TPD52L1: variants seen among roughly 807,000 people sequenced by gnomAD.
TPD52L1 encodes TPD52 like 1, also known as tumor protein D53.
Under a neutral mutation model 28.7 loss-of-function variants are expected in TPD52L1, and 18 were observed. That is an observed-to-expected ratio of 0.63 (90% confidence interval 0.43 to 0.93). TPD52L1 has a LOEUF of 0.93. TPD52L1 is among the 40% of genes least tolerant of loss of function. The probability of loss-of-function intolerance (pLI) is 0.00; values close to 1 mark genes in which losing one functional copy is unlikely to be tolerated. For missense variants in TPD52L1, 203 were observed against 254.8 expected (o/e 0.80, Z 1.39); for synonymous variants, 75 against 88.8 (o/e 0.84, Z 0.88).
At chr6:125,163,284 A>G (rs1338538358) in intron 1 of TPD52L1, among the ~76,000 whole-genome samples, 1 of 152,212 alleles carries the variant, frequency 6.6e-6, no homozygotes, top group East Asian at 1.9e-4. Context: ...ATACCATGGC[A>G]TGCACTTTTT....
chr6:125,222,137 C>A (rs1462294564), intron 2 of TPD52L1, among the ~76,000 whole-genome samples: 2 of 152,224 alleles, frequency 1.3e-5, no homozygotes. Flanking sequence ...GATGTGTGGA[C>A]ACAGGAACTC....
intron 1 of TPD52L1, among the ~76,000 whole-genome samples, chr6:125,181,576 C>T (rs1172029417): frequency 1.3e-5 from 2 of 152,156 alleles, no homozygotes; most frequent in Non-Finnish European, 2.9e-5. Context: ...TGAGGAAAGA[C>T]CTAAATTGAA....
chr6:125,209,021 G>A, intron 1 of TPD52L1: 1 of 867,622 alleles, frequency 1.2e-6, no homozygotes, highest in Non-Finnish European at 1.4e-6. Context: ...TCTCTACCAT[G>A]TGCCTCTGAC....
At chr6:125,221,510 G>A (rs1795229010) in intron 2 of TPD52L1, among the ~76,000 whole-genome samples, 1 of 152,188 alleles carries the variant, frequency 6.6e-6, no homozygotes, top group Non-Finnish European at 1.5e-5. Context: ...CACAATGTCT[G>A]TAACTGACCA....
intron 2 of TPD52L1, among the ~76,000 whole-genome samples, chr6:125,222,214 A>G (rs368701138): frequency 1.3e-5 from 2 of 152,206 alleles, no homozygotes; most frequent in South Asian, 2.1e-4. Flanking sequence ...TTTAACAAGG[A>G]CACATAGAAA....
At chr6:125,253,459 T>C in intron 4 of TPD52L1, 2 of 490,230 alleles carry the variant, frequency 4.1e-6, no homozygotes, top group Non-Finnish European at 7.2e-6. Flanking sequence ...ATTCTCAGAT[T>C]TCCTGGCAAA....
intron 1 of TPD52L1, among the ~76,000 whole-genome samples, chr6:125,177,510 G>T (rs1045942991): frequency 6.6e-6 from 1 of 152,164 alleles, no homozygotes; most frequent in African/African-American, 2.4e-5. Context: ...GAGGGATGAG[G>T]AGATTGGCCT....
intron 6 of TPD52L1, among the ~76,000 whole-genome samples, chr6:125,258,730 G>A (rs1333127141): frequency 6.6e-6 from 1 of 151,914 alleles, no homozygotes; most frequent in African/African-American, 2.4e-5. Context: ...ACCTCACTTG[G>A]ATAGAAGGTA....
At chr6:125,155,810 A>G (rs1790081266) in intron 1 of TPD52L1, among the ~76,000 whole-genome samples, 1 of 152,142 alleles carries the variant, frequency 6.6e-6, no homozygotes, top group Non-Finnish European at 1.5e-5. Flanking sequence ...TGATGGACTC[A>G]TTTCCTGTGC....
intron 6 of TPD52L1, among the ~76,000 whole-genome samples, chr6:125,259,350 G>A (rs1583031779): frequency 6.6e-6 from 1 of 152,214 alleles, no homozygotes; most frequent in African/African-American, 2.4e-5. Context: ...CATGTACCAT[G>A]TGGCACTTGT....
chr6:125,155,628 T>C (rs1377012778), intron 1 of TPD52L1, among the ~76,000 whole-genome samples: 1 of 152,228 alleles, frequency 6.6e-6, no homozygotes, highest in Non-Finnish European at 1.5e-5. Context: ...GAGACAAATA[T>C]TAATTTGATA....
At chr6:125,245,258 C>T (rs1796859277) in intron 3 of TPD52L1, among the ~76,000 whole-genome samples, 2 of 152,156 alleles carry the variant, frequency 1.3e-5, no homozygotes, top group Non-Finnish European at 2.9e-5. Context: ...ATGTTACAGG[C>T]AGCAGTATTA....
intron 1 of TPD52L1, among the ~76,000 whole-genome samples, chr6:125,163,015 A>G (rs1232861321): frequency 6.6e-6 from 1 of 152,240 alleles, no homozygotes; most frequent in Non-Finnish European, 1.5e-5. Context: ...GAGCTTAACT[A>G]CTATACTGCA....
Position 125,260,921 on chromosome 6 carries a change from G to GAAGAAAGAAAGA in TPD52L1, c.487-1866_487-1855dup, listed in dbSNP as rs71551734. 57 of 58,788 alleles carry GAAGAAAGAAAGA rather than the reference G, an allele frequency of 9.7e-4. 1 individual carries two copies. Among genetic ancestry groups the GAAGAAAGAAAGA allele is most frequent in the East Asian group, 1.4e-3 (2 of 1,410 alleles). The allele number at this position is 58,788 out of a possible 1,614,324, so 3.6% of individuals were successfully genotyped here. On this transcript the variant is annotated intron_variant, in intron 6 of 6. Transcript: ENST00000534000. ...GGGAGAAAGAAAGGAAAGAAAGAAA[G>GAAGAAAGAAAGA]AAGAAAGAAAGAAAGAAAGAAAGAA... is the stretch of plus-strand genomic sequence containing the variant.
chr6:125,225,427 C>T (rs544055421), intron 2 of TPD52L1, among the ~76,000 whole-genome samples: 10 of 152,132 alleles, frequency 6.6e-5, no homozygotes, highest in South Asian at 2.1e-4. Flanking sequence ...AGAAACTGTA[C>T]GACTGTTTTC....
At chr6:125,204,085 C>T (rs1245293515) in intron 1 of TPD52L1, among the ~76,000 whole-genome samples, 1 of 152,116 alleles carries the variant, frequency 6.6e-6, no homozygotes, top group Non-Finnish European at 1.5e-5. Flanking sequence ...TCTTTAATTA[C>T]CAAGTGGAAC....
At chr6:125,154,177 G>C (rs1789956237) in intron 1 of TPD52L1, 7 of 1,369,834 alleles carry the variant, frequency 5.1e-6, no homozygotes, top group East Asian at 5.8e-5. Context: ...AAGTGACAGG[G>C]GATCCGTAAG....
intron 1 of TPD52L1, among the ~76,000 whole-genome samples, chr6:125,196,182 C>T (rs933594743): frequency 1.1e-4 from 17 of 152,104 alleles, no homozygotes; most frequent in Non-Finnish European, 2.2e-4. Flanking sequence ...TCATCAAAGA[C>T]TCAGGAAAAC....
chr6:125,214,327 C>T (rs779908631), intron 1 of TPD52L1: 7 of 309,572 alleles, frequency 2.3e-5, no homozygotes, highest in Non-Finnish European at 2.8e-5. Flanking sequence ...AAGTGTAACC[C>T]ATTTCATACT....
Sources: allele counts gnomAD v4.1 joint callset (sites outside exome capture counted in the v4.1 genomes callset), GRCh38; gene constraint gnomAD v4.1.1; transcripts MANE v1.5; gene names NCBI Gene and HGNC (gene_info 2026-07-23, HGNC 2026-07-21).